The following SLC12A4 variants were observed in gnomAD, a reference collection of about 807,000 sequenced individuals.
The protein encoded by SLC12A4 is electroneutral potassium-chloride cotransporter 1.
Under a neutral mutation model 119.2 loss-of-function variants are expected in SLC12A4, and 84 were observed. The observed-to-expected ratio is 0.70, with a 90% CI of 0.59 to 0.85. The LOEUF is 0.85. Ranked by LOEUF, SLC12A4 falls within the 40% of genes least tolerant of loss-of-function variation. SLC12A4 has a pLI of 0.00. For synonymous variants in SLC12A4, 599 were observed against 604.6 expected, an observed-to-expected ratio of 0.99 and a Z score of 0.14; for missense variants, 1,298 against 1,476.3, an observed-to-expected ratio of 0.88 and a Z score of 1.98.
At chr16:67,964,372 A>G (rs1163824808) in intron 1 of SLC12A4, among the ~76,000 whole-genome samples, 1 of 152,160 alleles carries the variant, frequency 6.6e-6, no homozygotes, top group Non-Finnish European at 1.5e-5. Context: ...CTCCTTTTCA[A>G]TAAGCCTGCC....
chr16:67,956,691 A>T (rs550402500), intron 5 of SLC12A4, among the ~76,000 whole-genome samples: 1 of 152,026 alleles, frequency 6.6e-6, no homozygotes, highest in African/African-American at 2.4e-5. Flanking sequence ...CTCAAAAAAA[A>T]CCCAAAAAAC....
Position 67,945,388 on chromosome 16 carries a change from C to G in SLC12A4, c.3013G>C (p.Glu1005Gln), listed in dbSNP as rs749594094. Residue 1005 changes from glutamate to glutamine, a missense_variant, in exon 22 of 24, where the codon GAG becomes CAG. Coordinates refer to ENST00000316341, the MANE Select transcript of SLC12A4 (RefSeq NM_005072.5). ...ACTCACGGCTTAATGTGCACCAGCT[C>G]CCGGAAATTGTCAGGGGCATGGCTG... ...DPSHAPDNFR[E>Q]LVHIKPDQSN... is the part of the protein sequence containing the mutation. The G allele has an allele frequency of 5.5e-5, 88 of 1,613,830 alleles. No homozygotes were observed. In the East Asian group the frequency reaches 1.9e-3, roughly 35 times the overall value.
chr16:67,949,342 T>C lies in SLC12A4; in HGVS notation c.1748+458A>G. On this transcript the variant is annotated intron_variant, in intron 13 of 23. Coordinates refer to ENST00000316341, the MANE Select transcript of SLC12A4 (RefSeq NM_005072.5). The surrounding 1 kb of genome is among the most constrained non-coding windows in gnomAD (Gnocchi z 4.6). ...GGTGCATTTCTGTAATCCCAGCTACTCAGGAGGCTGAGGCAGGAGAATTGC... is the reference window on the plus strand; with the variant it reads ...GGTGCATTTCTGTAATCCCAGCTACCCAGGAGGCTGAGGCAGGAGAATTGC... 6.6e-6 allele frequency among the ~76,000 whole-genome samples: 1 copy of C among 151,832 alleles called. No individual in the cohort carries two copies. The highest frequency in any genetic ancestry group is 2.4e-5 in the African/African-American group (1 of 41,314).
chr16:67,963,442 G>A (rs754973249), intron 2 of SLC12A4, 23 bp downstream of exon 2: 2 of 1,536,280 alleles, frequency 1.3e-6, no homozygotes, highest in South Asian at 1.2e-5. Flanking sequence ...CAAACCTGTG[G>A]CCCAAAATGG....
chr16:67,963,912 C>A (rs1333002369), intron 1 of SLC12A4: 8 of 1,551,158 alleles, frequency 5.2e-6, no homozygotes, highest in Non-Finnish European at 7.0e-6. Context: ...CAGTCCCTTT[C>A]CCGGTCTTTC....
chr16:67,946,816 G>A, intron 17 of SLC12A4, 121 bp downstream of exon 17: 1 of 1,291,456 alleles, frequency 7.7e-7, no homozygotes, highest in Admixed American at 2.2e-5. Flanking sequence ...CCAGCTCTCA[G>A]GTGGCAGCAG....
chr16:67,951,039 C>A lies in SLC12A4; in HGVS notation c.1319G>T (p.Arg440Leu). The stretch of plus-strand genomic sequence containing the variant: ...CTGGGCGTCACGAAGGTCCCCAGAG[C>A]GGTTTGAGCCAGCCATGATGCCTCC... ...SVTGIMAGSN[R>L]SGDLRDAQKS... The change falls in exon 10 of 24, where the codon CGC becomes CTC. Residue 440 changes from arginine to leucine, a missense_variant. Arg to Leu is a moderately radical substitution (Grantham distance 102, BLOSUM62 -2). Transcript: ENST00000316341. The surrounding 1 kb of genome is among the most constrained non-coding windows in gnomAD (Gnocchi z 5.2). 1.2e-6 allele frequency: 2 copies of A among 1,613,918 alleles called. No individual in the cohort carries two copies. The highest frequency in any genetic ancestry group is 1.7e-6 in the Non-Finnish European group (2 of 1,179,994).
chr16:67,968,357 A>G (rs374432643), intron 1 of SLC12A4, 82 bp downstream of exon 1: 16 of 1,260,112 alleles, frequency 1.3e-5, no homozygotes, highest in South Asian at 1.2e-4. Context: ...GTCCCGGGAT[A>G]GGTGCGGGCG....
chr16:67,965,753 A>G (rs1421071701), intron 1 of SLC12A4, among the ~76,000 whole-genome samples: 1 of 152,180 alleles, frequency 6.6e-6, no homozygotes, highest in Non-Finnish European at 1.5e-5. Context: ...CCCTTCAGCT[A>G]TCACTCTAGG....
chr16:67,947,829 G>A (rs1567415445), intron 14 of SLC12A4, 41 bp from the exon 15 acceptor site: 11 of 1,554,524 alleles, frequency 7.1e-6, no homozygotes, highest in African/African-American at 1.4e-5. Context: ...AGGACCAGGA[G>A]GACCCCTGGC....
In SLC12A4 at chr16:67,943,936, G is replaced by T; in HGVS notation, c.*904C>A. 3 of 1,543,134 alleles carry T rather than the reference G, an allele frequency of 1.9e-6. No individual in the cohort carries two copies. Among genetic ancestry groups the T allele is most frequent in the South Asian group, 2.4e-5 (2 of 83,062 alleles). ...TCTGGCGTGGTGCATCAGGGGCCTG[G>T]TGGGGGCTTACCGAGGATGACGGGC... On this transcript the variant is annotated 3_prime_UTR_variant, in exon 24 of 24. Transcript: ENST00000316341. This position sits in a 1 kb window ranked among gnomAD's most constrained non-coding sequence, Gnocchi z 4.6.
At chr16:67,968,406 G>A (rs910646915) in intron 1 of SLC12A4, 33 bp downstream of exon 1, 7 of 1,534,974 alleles carry the variant, frequency 4.6e-6, no homozygotes, top group Admixed American at 1.9e-5. Context: ...AGGCCCCGCT[G>A]CCCCGCCACG....
At chr16:67,968,354 G>T in intron 1 of SLC12A4, 85 bp downstream of exon 1, 5 of 1,258,102 alleles carry the variant, frequency 4.0e-6, no homozygotes, top group East Asian at 3.1e-5. Flanking sequence ...AAGGTCCCGG[G>T]ATAGGTGCGG....
intron 6 of SLC12A4, among the ~76,000 whole-genome samples, chr16:67,953,315 A>T (rs1481942214): frequency 6.6e-6 from 1 of 152,244 alleles, no homozygotes; most frequent in African/African-American, 2.4e-5. Context: ...TGAACCCAGG[A>T]GGCGGAAATT....
In SLC12A4 at chr16:67,943,838, G is replaced by T; in HGVS notation, c.*1002C>A. 1.9e-6 allele frequency: 2 copies of T among 1,068,252 alleles called. No individual in the cohort carries two copies. The highest frequency in any genetic ancestry group is 2.7e-6 in the Non-Finnish European group (2 of 750,776). The allele number at this position is 1,068,252 out of a possible 1,614,324, so 66.2% of individuals were successfully genotyped here. A position where few individuals can be genotyped will look rare whatever the true frequency, so the allele number is the denominator to read the frequency against. On this transcript the variant is annotated 3_prime_UTR_variant, in exon 24 of 24. Coordinates refer to ENST00000316341, the MANE Select transcript of SLC12A4 (RefSeq NM_005072.5). The surrounding 1 kb of genome is among the most constrained non-coding windows in gnomAD (Gnocchi z 4.6). ...TCCCCACACCAGGGCAGGTACTTAT[G>T]TCGGGGCTTATGCAGGGCAGAAGGG...
At position 67,949,697 on chromosome 16, in the gene SLC12A4, C is replaced by A; in HGVS notation, c.1748+103G>T. 1.3e-5 allele frequency: 10 copies of A among 760,536 alleles called. No homozygotes were observed. Among genetic ancestry groups the A allele is most frequent in the Non-Finnish European group, 2.1e-5 (10 of 468,226 alleles). 47.1% of individuals were successfully genotyped at this position (760,536 alleles called of 1,614,324 possible). A position where few individuals can be genotyped will look rare whatever the true frequency, so the allele number is the denominator to read the frequency against. On this transcript the variant is annotated intron_variant, in intron 13 of 23. Transcript: ENST00000316341. This position sits in a 1 kb window ranked among gnomAD's most constrained non-coding sequence, Gnocchi z 4.6. ...GGCCACATCTCCCCATGCAGCCTGC[C>A]ACATCTCCCAGCTGGACCTCCAACA...
intron 2 of SLC12A4, chr16:67,962,820 G>A (rs2030653304): frequency 6.6e-6 from 1 of 152,194 alleles, no homozygotes; most frequent in African/African-American, 2.4e-5. Flanking sequence ...TGGGGCGACA[G>A]AGTGAGACTC....
intron 1 of SLC12A4, among the ~76,000 whole-genome samples, chr16:67,966,114 A>G (rs2030859548): frequency 6.6e-6 from 1 of 152,242 alleles, no homozygotes; most frequent in South Asian, 2.1e-4. Flanking sequence ...CCAGGGAGAC[A>G]TGCTTACTCC....
intron 3 of SLC12A4, 44 bp from the exon 4 acceptor site, chr16:67,958,088 A>G: frequency 3.8e-6 from 6 of 1,595,818 alleles, no homozygotes; most frequent in Non-Finnish European, 5.1e-6. Context: ...CATCAGAGGG[A>G]TGCACCATGG....
Sources: allele counts gnomAD v4.1 joint callset (sites outside exome capture counted in the v4.1 genomes callset), GRCh38; gene constraint gnomAD v4.1.1; non-coding constraint Gnocchi (gnomAD v3.1); transcripts MANE v1.5; gene names NCBI Gene and HGNC (gene_info 2026-07-23, HGNC 2026-07-21).